Variants in ZNF469 observed in about 807,000 individuals in gnomAD.
ZNF469 encodes the protein zinc finger protein 469.
Under a neutral mutation model 1.0 loss-of-function variants are expected in ZNF469, and 1 was observed. The observed-to-expected ratio is 1.00, with a 90% CI of 0.35 to 4.73. The LOEUF (loss-of-function observed/expected upper bound fraction) is 4.73, where lower values mean the gene tolerates loss of function less well. Among genes scored for constraint, ZNF469 ranks in the 30% most tolerant of loss-of-function variants. The pLI, the probability that ZNF469 is intolerant of heterozygous loss-of-function variation, is 0.16. For missense variants in ZNF469, 6,100 were observed against 5,356.3 expected (o/e 1.14, Z -4.33); for synonymous variants, 2,703 against 2,363.4 (o/e 1.14, Z -4.17).
rs1175881330 is a variant in ZNF469 at position 88,430,707 on chromosome 16, G to A, written c.3237G>A (p.Arg1079=). 4 of 1,480,698 alleles carry A rather than the reference G, an allele frequency of 2.7e-6. No individual in the cohort carries two copies. Among genetic ancestry groups the A allele is most frequent in the East Asian group, 2.7e-5 (1 of 36,878 alleles). The allele number at this position is 1,480,698 out of a possible 1,614,324, so 91.7% of individuals were successfully genotyped here. Residue 1079 remains arginine (R), a synonymous_variant, in exon 3 of 3, where the codon AGG becomes AGA. Transcript: ENST00000565624. The stretch of plus-strand genomic sequence containing the variant: ...GGTGCGGCTCCCTGGCGGCGGGGAG[G>A]CCCCGGCCCGGAGCTGAGGACCGCA... ...AGRCGSLAAG[R]PRPGAEDRRL... is the part of the protein sequence containing the mutation.
chr16:88,253,203 G>A, the ZNF469 span, among the ~76,000 whole-genome samples: 4 of 152,156 alleles, frequency 2.6e-5, no homozygotes, highest in African/African-American at 4.8e-5. Context: ...TTGTGGCCAC[G>A]TTTCATTTCT....
At chr16:88,240,925 C>G in the ZNF469 span, among the ~76,000 whole-genome samples, 50 of 152,294 alleles carry the variant, frequency 3.3e-4, no homozygotes, top group Non-Finnish European at 4.1e-4. Context: ...CACAAGCCAC[C>G]TGCCACCGAG....
chr16:88,367,179 C>G, the ZNF469 span, among the ~76,000 whole-genome samples: 1 of 152,204 alleles, frequency 6.6e-6, no homozygotes, highest in African/African-American at 2.4e-5. Context: ...AGAAAATAGC[C>G]TATTGAGCTC....
chr16:88,279,869 G>A, the ZNF469 span, among the ~76,000 whole-genome samples: 9 of 101,206 alleles, frequency 8.9e-5, no homozygotes, highest in Admixed American at 4.2e-4. Flanking sequence ...GGTCAGTACC[G>A]TGTAGATATC....
At chr16:88,161,260 G>A in the ZNF469 span, among the ~76,000 whole-genome samples, 1 of 152,216 alleles carries the variant, frequency 6.6e-6, no homozygotes, top group African/African-American at 2.4e-5. Context: ...GAGCATAATA[G>A]CATGGTTAAA....
the ZNF469 span, among the ~76,000 whole-genome samples, chr16:88,246,068 C>T: frequency 6.6e-6 from 1 of 152,398 alleles, no homozygotes; most frequent in Non-Finnish European, 1.5e-5. Flanking sequence ...GGGCTTCCCT[C>T]ATGCAGCCAT....
At chr16:88,192,865 GTGGTGGTGA>G in the ZNF469 span, among the ~76,000 whole-genome samples, 1 of 83,062 alleles carries the variant, frequency 1.2e-5, no homozygotes, top group African/African-American at 4.8e-5. Flanking sequence ...GGTGATGACG[GTGGTGGTGA>G]TGATGATGAT....
In ZNF469 at chr16:88,438,799, C is replaced by T. The variant is rs1392051381; in HGVS notation, c.11329C>T (p.Pro3777Ser). ...KPSFPSRSPA[P>S]ERLPARAQAK... ...CAGCTTCCCCAGCCGGAGCCCTGCACCAGAGAGGCTCCCCGCTCGAGCCCA... is the reference window on the plus strand; with the variant it reads ...CAGCTTCCCCAGCCGGAGCCCTGCATCAGAGAGGCTCCCCGCTCGAGCCCA... Residue 3777 changes from proline to serine, a missense_variant, in exon 3 of 3, where the codon CCA (proline) becomes TCA (serine). By Grantham distance (74) the Pro-to-Ser change is moderately conservative (BLOSUM62 -1). Transcript: ENST00000565624. The T allele has an allele frequency of 6.5e-7, 1 of 1,550,286 alleles. No homozygotes were observed.
the ZNF469 span, among the ~76,000 whole-genome samples, chr16:88,145,818 G>A: frequency 0.045 from 6,929 of 152,320 alleles, 258 homozygotes; most frequent in Non-Finnish European, 0.056. Context: ...TCCCCCTGCC[G>A]CTGGAGCCTC....
At chr16:88,260,146 GTT>G in the ZNF469 span, among the ~76,000 whole-genome samples, 7,582 of 137,178 alleles carry the variant, frequency 0.055, 597 homozygotes, top group African/African-American at 0.19. This position sits in a 1 kb window ranked among gnomAD's most constrained non-coding sequence, Gnocchi z 4.1. Flanking sequence ...CCCTGCTAGT[GTT>G]TTTTTTTTTT....
At chr16:88,365,824 T>A in the ZNF469 span, among the ~76,000 whole-genome samples, 1 of 152,132 alleles carries the variant, frequency 6.6e-6, no homozygotes, top group Admixed American at 6.5e-5. Context: ...TACCTTATCA[T>A]GGCAGAGGCA....
chr16:88,177,822 C>G, the ZNF469 span: 95,823 of 152,188 alleles, frequency 0.63, 31,134 homozygotes, highest in Non-Finnish European at 0.72. This position sits in a 1 kb window ranked among gnomAD's most constrained non-coding sequence, Gnocchi z 4.8. Context: ...CTCCCCCTGC[C>G]TCAGCCTCCC....
the ZNF469 span, among the ~76,000 whole-genome samples, chr16:88,126,446 A>G: frequency 6.6e-6 from 1 of 150,842 alleles, no homozygotes; most frequent in Non-Finnish European, 1.5e-5. Flanking sequence ...GTTCTTTATC[A>G]GTTGAGGAAG....
chr16:88,102,288 G>A, the ZNF469 span, among the ~76,000 whole-genome samples: 1 of 152,146 alleles, frequency 6.6e-6, no homozygotes, highest in East Asian at 1.9e-4. Flanking sequence ...AGGCCAAGGC[G>A]GGTGGATCAC....
At chr16:88,200,847 G>A in the ZNF469 span, among the ~76,000 whole-genome samples, 1 of 152,372 alleles carries the variant, frequency 6.6e-6, no homozygotes, top group African/African-American at 2.4e-5. Flanking sequence ...CCTGCAAAGG[G>A]GTCCCCGCCC....
At chr16:88,167,469 G>A in the ZNF469 span, among the ~76,000 whole-genome samples, 7 of 152,130 alleles carry the variant, frequency 4.6e-5, no homozygotes, top group Admixed American at 2.0e-4. Flanking sequence ...CGTCCACCTG[G>A]CACCTGCACT....
In ZNF469 at chr16:88,427,366, G is replaced by A. The variant is rs1176483499; in HGVS notation, c.-105G>A. 18 of 1,200,500 alleles carry A rather than the reference G, an allele frequency of 1.5e-5. No homozygotes were observed. The highest frequency in any genetic ancestry group is 2.6e-5 in the East Asian group (1 of 37,858). The allele number at this position is 1,200,500 out of a possible 1,614,324, so 74.4% of individuals were successfully genotyped here. A position where few individuals can be genotyped will look rare whatever the true frequency, so the allele number is the denominator to read the frequency against. On this transcript the variant is annotated 5_prime_UTR_variant, in exon 3 of 3. Transcript: ENST00000565624. ...CCAGGCTCCACTCAGGACCATGAGC[G>A]CAGGCTTCCCTGGGGCCCATCGAGG...
chr16:88,274,571 C>T, the ZNF469 span, among the ~76,000 whole-genome samples: 3 of 152,198 alleles, frequency 2.0e-5, no homozygotes, highest in East Asian at 1.9e-4. Flanking sequence ...GCGGGGCCCC[C>T]GGGGAGGGCA....
rs991352216 is a variant in ZNF469, at chr16:88,434,763, C to T, written c.7293C>T (p.His2431=). The change falls in exon 3 of 3, where the codon CAC becomes CAT. Residue 2431 remains histidine (H), a synonymous_variant. Coordinates refer to ENST00000565624, the MANE Select transcript of ZNF469 (RefSeq NM_001367624.2). ...DSPQSHRNAS[H]QTPQGDPLGP... is the part of the protein sequence containing the mutation. Reference sequence around the variant, plus strand: ...CCCAAAGCCACAGAAATGCCTCCCACCAGACTCCCCAGGGGGACCCCCTCG... The same window carrying T: ...CCCAAAGCCACAGAAATGCCTCCCATCAGACTCCCCAGGGGGACCCCCTCG... 19 of 1,550,398 alleles carry T rather than the reference C, an allele frequency of 1.2e-5. No homozygotes were observed. Among genetic ancestry groups the T allele is most frequent in the Non-Finnish European group, 1.6e-5 (18 of 1,146,972 alleles).
Sources: gnomAD v4.1 joint callset for allele counts (sites outside exome capture counted in the v4.1 genomes callset) on GRCh38, gnomAD v4.1.1 for gene constraint, Gnocchi (gnomAD v3.1) non-coding constraint, MANE v1.5 for transcripts, NCBI Gene and HGNC (gene_info 2026-07-23, HGNC 2026-07-21) for gene names.